The following DHX57 variants were observed in gnomAD, a reference collection of about 807,000 sequenced individuals.
DHX57 encodes the protein putative ATP-dependent RNA helicase DHX57.
Under a neutral mutation model 156.2 loss-of-function variants are expected in DHX57, and 105 were observed. The ratio of observed to expected loss-of-function variants is 0.67; its 90% CI spans 0.57 to 0.79. The LOEUF is 0.79. Ranked by LOEUF, DHX57 falls within the 30% of genes least tolerant of loss-of-function variation. DHX57 has a pLI of 0.00. For missense variants in DHX57, 1,847 were observed against 1,661.9 expected, an observed-to-expected ratio of 1.11 and a Z score of -1.94; for synonymous variants, 704 against 595.6, an observed-to-expected ratio of 1.18 and a Z score of -2.65.
intron 12 of DHX57, among the ~76,000 whole-genome samples, chr2:38,840,238 C>A (rs1671912549): frequency 6.6e-6 from 1 of 152,064 alleles, no homozygotes; most frequent in East Asian, 1.9e-4. Context: ...AGCCACTGTG[C>A]CCAGCCAAAT....
chr2:38,858,041 A>G (rs1049653516), intron 6 of DHX57, among the ~76,000 whole-genome samples: 6 of 151,960 alleles, frequency 3.9e-5, no homozygotes, highest in Non-Finnish European at 7.4e-5. Flanking sequence ...CTGGCTCTAA[A>G]CCACAGTATT....
intron 1 of DHX57, among the ~76,000 whole-genome samples, chr2:38,874,256 C>T (rs1665490263): frequency 6.6e-6 from 1 of 151,520 alleles, no homozygotes; most frequent in Admixed American, 6.6e-5. Context: ...CACCCAGCTA[C>T]TTTAAACATT....
chr2:38,864,675 C>T (rs1664965391), intron 2 of DHX57, among the ~76,000 whole-genome samples: 1 of 152,162 alleles, frequency 6.6e-6, no homozygotes, highest in South Asian at 2.1e-4. Context: ...GGTCTACCCT[C>T]TTAAAAAAAT....
intron 13 of DHX57, among the ~76,000 whole-genome samples, chr2:38,830,686 G>C (rs753337552): frequency 2.6e-5 from 4 of 151,546 alleles, no homozygotes; most frequent in Non-Finnish European, 5.9e-5. Flanking sequence ...AGTAACTTCA[G>C]ACTCAGGTCA....
At chr2:38,820,072 T>G (rs910965511) in intron 17 of DHX57, among the ~76,000 whole-genome samples, 2 of 152,202 alleles carry the variant, frequency 1.3e-5, no homozygotes, top group Non-Finnish European at 2.9e-5. Flanking sequence ...ATGCCCTAGT[T>G]GCAACACCAC....
intron 8 of DHX57, 199 bp from the exon 9 acceptor site, chr2:38,854,377 A>G (rs1672770427): frequency 4.9e-6 from 2 of 412,356 alleles, no homozygotes; most frequent in African/African-American, 4.1e-5. Flanking sequence ...CAATGTTAAG[A>G]TTTTCATAAA....
chr2:38,801,817 G>A (rs1040133358), intron 23 of DHX57, among the ~76,000 whole-genome samples: 17 of 152,024 alleles, frequency 1.1e-4, no homozygotes, highest in Non-Finnish European at 2.5e-4. Context: ...GGCTGGTCTC[G>A]AACTCCTGAC....
chr2:38,803,115 C>T (rs1669773983), intron 22 of DHX57, 200 bp from the exon 23 acceptor site: 1 of 571,042 alleles, frequency 1.8e-6, no homozygotes, highest in Non-Finnish European at 3.0e-6. Flanking sequence ...ATATCTCACA[C>T]TTGTGTTTAA....
In DHX57 at chr2:38,856,413, C is replaced by A. The variant is rs1425672913; in HGVS notation, c.1636G>T (p.Ala546Ser). The change falls in exon 7 of 24, where the codon GCT becomes TCT. Residue 546 changes from alanine (A) to serine (S), a missense_variant. By Grantham distance (99) the Ala-to-Ser change is moderately conservative. Coordinates refer to ENST00000457308, the MANE Select transcript of DHX57 (RefSeq NM_198963.3). Reference protein sequence around the residue: ...SILQERQSLPAWEERETILNL... With the variant: ...SILQERQSLPSWEERETILNL... Reference sequence around the variant, plus strand: ...AGAATGGTTTCTCTTTCTTCCCAAGCAGGGAGTGATTGCCTCTCTTGCAGA... The same window carrying A: ...AGAATGGTTTCTCTTTCTTCCCAAGAAGGGAGTGATTGCCTCTCTTGCAGA... 1 of 1,613,844 alleles carries A rather than the reference C, an allele frequency of 6.2e-7. No individual in the cohort carries two copies. The highest frequency in any genetic ancestry group is 2.2e-5 in the East Asian group (1 of 44,872).
chr2:38,834,765 A>G (rs1456740728), intron 13 of DHX57, among the ~76,000 whole-genome samples: 1 of 152,220 alleles, frequency 6.6e-6, no homozygotes, highest in Non-Finnish European at 1.5e-5. Context: ...GTTGCCTGCC[A>G]TTTCCAGATA....
intron 11 of DHX57, among the ~76,000 whole-genome samples, chr2:38,845,754 C>T (rs2124885672): frequency 6.6e-6 from 1 of 152,108 alleles, no homozygotes; most frequent in East Asian, 1.9e-4. Flanking sequence ...ATGCAATACA[C>T]ATTAACATTT....
At chr2:38,853,528 C>T (rs1314710212) in intron 9 of DHX57, 1 of 152,402 alleles carries the variant, frequency 6.6e-6, no homozygotes, top group Non-Finnish European at 1.5e-5. Context: ...CTTCATAGTG[C>T]TTATTCCAAT....
intron 21 of DHX57, chr2:38,811,183 T>C: frequency 2.0e-6 from 1 of 499,426 alleles, no homozygotes; most frequent in South Asian, 1.8e-5. Context: ...CATGTTTCTC[T>C]GCATATTCCA....
intron 1 of DHX57, among the ~76,000 whole-genome samples, chr2:38,868,936 G>A (rs982899071): frequency 2.0e-5 from 3 of 152,128 alleles, no homozygotes; most frequent in African/African-American, 4.8e-5. Context: ...GGAGTAGCTG[G>A]GACTACAGGC....
chr2:38,812,435 G>T lies in DHX57; in HGVS notation c.3681+1386C>A, dbSNP rs888591365. On this transcript the variant is annotated intron_variant, in intron 21 of 23. Coordinates refer to ENST00000457308, the MANE Select transcript of DHX57 (RefSeq NM_198963.3). ...ACTCTCTGGGGGAAAATGGTGCCTT[G>T]TTAGGGATGGATAATCAAAACTCAG... Among the ~76,000 whole-genome samples, 8 of 152,336 alleles carry T rather than the reference G, an allele frequency of 5.3e-5. No homozygotes were observed. The East Asian group carries it at 1.5e-3, about 29-fold the overall frequency.
chr2:38,820,576 G>T (rs995158997), intron 17 of DHX57, among the ~76,000 whole-genome samples: 43 of 152,050 alleles, frequency 2.8e-4, no homozygotes, highest in Admixed American at 2.8e-3. Flanking sequence ...ACCTCTTCTG[G>T]TCCTTGGTTT....
intron 21 of DHX57, chr2:38,810,725 C>A: frequency 1.2e-6 from 1 of 811,904 alleles, no homozygotes; most frequent in Non-Finnish European, 2.1e-6. Context: ...ACCAACTCAG[C>A]AAATTTCAAG....
intron 20 of DHX57, among the ~76,000 whole-genome samples, chr2:38,814,683 A>T (rs182181476): frequency 6.6e-6 from 1 of 152,170 alleles, no homozygotes; most frequent in African/African-American, 2.4e-5. Flanking sequence ...AAGCAGCATG[A>T]AATTTAAAAA....
Position 38,831,612 on chromosome 2 carries a change from T to C in DHX57, c.2543-3176A>G, listed in dbSNP as rs545239086. Among the ~76,000 whole-genome samples the C allele has an allele frequency of 1.1e-3, 174 of 152,206 alleles. 5 individuals carry two copies. Among genetic ancestry groups the C allele is most frequent in the Non-Finnish European group, 2.1e-4 (14 of 67,998 alleles). On this transcript the variant is annotated intron_variant, in intron 13 of 23. Transcript: ENST00000457308. ...GCTCACGCCTGTAATCCCAGCACTT[T>C]GGGAGGCCAAAGCGGGCGGATCACC...
Sources: allele counts gnomAD v4.1 joint callset (sites outside exome capture counted in the v4.1 genomes callset), GRCh38; gene constraint gnomAD v4.1.1; transcripts MANE v1.5; gene names NCBI Gene and HGNC (gene_info 2026-07-23, HGNC 2026-07-21).